Variants in CUL4B observed in about 807,000 individuals in gnomAD.
CUL4B encodes cullin 4B.
A neutral mutation model predicts 69.2 loss-of-function variants in CUL4B; 1 was observed. The ratio of observed to expected loss-of-function variants is 0.01; its 90% CI spans 0.01 to 0.07. CUL4B has a LOEUF of 0.07. Among genes scored for constraint, CUL4B ranks in the 10% least tolerant of loss-of-function variants. CUL4B has a pLI of 1.00. For missense variants in CUL4B, 328 were observed against 638.8 expected (o/e 0.51, Z 5.24); for synonymous variants, 237 against 223.2 (o/e 1.06, Z -0.55).
chrX:120,550,002 C>A (rs922635469), intron 2 of CUL4B, among the ~76,000 whole-genome samples: 2 of 111,851 alleles, frequency 1.8e-5, no homozygotes, highest in Non-Finnish European at 3.8e-5. Flanking sequence ...TCAAATAAAA[C>A]AGTTCTCGGC....
upstream of CUL4B, chrX:120,561,054 T>C (rs1925271304): frequency 1.0e-6 from 1 of 970,337 alleles, no homozygotes. Flanking sequence ...GAACCAGGGC[T>C]TGTTATTGTC....
chrX:120,527,016 A>G, intron 19 of CUL4B, among the ~76,000 whole-genome samples, 160 bp from the exon 20 acceptor site: 1 of 112,048 alleles, frequency 8.9e-6, no homozygotes. Flanking sequence ...GAAAAGTATC[A>G]TGAAAATAAA....
At chrX:120,528,055 T>C (rs749304213) in intron 19 of CUL4B, among the ~76,000 whole-genome samples, 1 of 112,120 alleles carries the variant, frequency 8.9e-6, no homozygotes, top group Admixed American at 9.5e-5. Context: ...CACCTTTACT[T>C]TGGGCAAGAG....
Position 120,538,139 on chromosome X carries a change from C to A in CUL4B, c.1923G>T (p.Met641Ile). 8.4e-7 allele frequency: 1 copy of A among 1,197,323 alleles called. No individual in the cohort carries two copies. Among genetic ancestry groups the A allele is most frequent in the South Asian group, 1.8e-5 (1 of 56,463 alleles). The change falls in exon 14 of 20, where the codon ATG becomes ATT. Residue 641 changes from methionine to isoleucine, a missense_variant. Physicochemically the swap from Met to Ile is conservative, Grantham distance 10 (BLOSUM62 1). Coordinates refer to ENST00000371322, the MANE Select transcript of CUL4B (RefSeq NM_001079872.2). ...TCACTTTTACCTGTTTGAACTGAAT[C>A]ATGATGTCTTTAGAAAGTTCCATGT... ...FKDMELSKDI[M>I]IQFKQYMQNQ...
Position 120,526,916 on chromosome X carries a change from G to A in CUL4B, c.2593-60C>T, listed in dbSNP as rs756662557. On this transcript the variant is annotated intron_variant, in intron 19 of 19. Transcript: ENST00000371322. ...ATTATCATTGGCTCAAGCCCATTTA[G>A]TTAATACCCCATTAAAAAGACAACA... 115 of 642,453 alleles carry A rather than the reference G, an allele frequency of 1.8e-4. No homozygotes were observed. The South Asian group carries it at 2.6e-3, about 15-fold the overall frequency. 52.9% of individuals were successfully genotyped at this position (642,453 alleles called of 1,213,427 possible).
intron 18 of CUL4B, among the ~76,000 whole-genome samples, chrX:120,531,437 A>T (rs2147320300): frequency 9.1e-6 from 1 of 109,322 alleles, no homozygotes; most frequent in South Asian, 4.0e-4. Context: ...AAAAACAAAC[A>T]AAATATTCAC....
rs1923378685 is a variant in CUL4B at position 120,532,536 on chromosome X, C to A, written c.2325G>T (p.Leu775=). The change falls in exon 18 of 20, where the codon CTG becomes CTT. Residue 775 remains leucine, a synonymous_variant. Coordinates refer to ENST00000371322, the MANE Select transcript of CUL4B (RefSeq NM_001079872.2). The stretch of plus-strand genomic sequence containing the variant: ...TGTCTTTGCCCTTTGGATTTTTCGC[C>A]AGAACTCTAGCTTTGCCACAGGCTA... ...QSLACGKARV[L]AKNPKGKDIE... The A allele has an allele frequency of 8.3e-7, 1 of 1,208,049 alleles. No individual in the cohort carries two copies. The highest frequency in any genetic ancestry group is 1.8e-5 in the African/African-American group (1 of 56,989).
rs968391063 is a variant in CUL4B at position 120,529,327 on chromosome X, T to C, written c.2592+775A>G. ...AGTGCTAAGATTTTTACATTCATGA[T>C]CTCACTTAAACCTCACAATAATCCT... On this transcript the variant is annotated intron_variant, in intron 19 of 19. Coordinates refer to ENST00000371322, the MANE Select transcript of CUL4B (RefSeq NM_001079872.2). Among the ~76,000 whole-genome samples, 9 of 111,965 alleles carry C rather than the reference T, an allele frequency of 8.0e-5. No homozygotes were observed. The Admixed American group carries it at 8.6e-4, about 11-fold the overall frequency.
intron 5 of CUL4B, 129 bp from the exon 6 acceptor site, chrX:120,544,772 A>C: frequency 2.0e-6 from 1 of 505,827 alleles, no homozygotes; most frequent in South Asian, 3.3e-5. Context: ...ATTGTCAAAA[A>C]ATAAAATCCA....
rs930628191 is a variant in CUL4B, at chrX:120,544,425, GA to G, written c.1083+55del. On this transcript the variant is annotated intron_variant, in intron 6 of 19. Coordinates refer to ENST00000371322, the MANE Select transcript of CUL4B (RefSeq NM_001079872.2). ...GCACATTACCTGTCTGATGTGGGGG[GA>G]AAAAAAACTAGGATAGCAATCAGCT... 7.1e-5 allele frequency: 81 copies of G among 1,144,301 alleles called. 1 individual carries two copies. Among genetic ancestry groups the G allele is most frequent in the Admixed American group, 1.8e-4 (8 of 45,296 alleles). The allele number at this position is 1,144,301 out of a possible 1,213,427, so 94.3% of individuals were successfully genotyped here.
upstream of CUL4B, among the ~76,000 whole-genome samples, chrX:120,565,068 G>T (rs1925452401): frequency 8.9e-6 from 1 of 112,158 alleles, no homozygotes; most frequent in Admixed American, 9.4e-5. Context: ...CTTTATTTCT[G>T]TGGACATCTC....
intron 16 of CUL4B, among the ~76,000 whole-genome samples, chrX:120,535,384 G>A (rs1368822377): frequency 3.6e-5 from 4 of 110,103 alleles, no homozygotes; most frequent in Non-Finnish European, 5.7e-5. Context: ...GTCATCATGC[G>A]GATATCTAGG....
At chrX:120,552,295 G>A (rs1323072021) in intron 2 of CUL4B, among the ~76,000 whole-genome samples, 1 of 111,234 alleles carries the variant, frequency 9.0e-6, no homozygotes, top group African/African-American at 3.3e-5. Context: ...TTACAGACAC[G>A]TGCCACCACA....
At chrX:120,568,048 C>T (rs1295259424), downstream of CUL4B, among the ~76,000 whole-genome samples, 2 of 111,948 alleles carry the variant, frequency 1.8e-5, no homozygotes, top group African/African-American at 6.5e-5. Flanking sequence ...AACACATTGC[C>T]TCCTTCTCTA....
chrX:120,544,265 A>AT, intron 6 of CUL4B, 62 bp from the exon 7 acceptor site: 1 of 872,548 alleles, frequency 1.1e-6, no homozygotes, highest in Non-Finnish European at 1.7e-6. Context: ...AATGTCCTCT[A>AT]TGTCTATGTA....
intron 12 of CUL4B, among the ~76,000 whole-genome samples, 180 bp from the exon 13 acceptor site, chrX:120,538,950 C>T (rs1377663452): frequency 8.9e-6 from 1 of 111,951 alleles, no homozygotes; most frequent in Non-Finnish European, 1.9e-5. Flanking sequence ...ATTTCGAAGT[C>T]TTTATTGTAA....
At position 120,546,541 on chromosome X, in the gene CUL4B, G is replaced by T. The variant is rs760723480; in HGVS notation, c.846+6C>A. 1 of 1,191,834 alleles carries T rather than the reference G, an allele frequency of 8.4e-7. No individual in the cohort carries two copies. Among genetic ancestry groups the T allele is most frequent in the Non-Finnish European group, 1.1e-6 (1 of 878,407 alleles). On this transcript the variant is annotated splice_donor_region_variant and intron_variant, in intron 4 of 19. Transcript: ENST00000371322. ...TAGCCGAAATACAATACTTTTTCCA[G>T]CTTACCATTTGTCTGCAATGGTTTT... is the stretch of plus-strand genomic sequence containing the variant.
chrX:120,563,076 A>G (rs1426737079), upstream of CUL4B, among the ~76,000 whole-genome samples: 1 of 112,293 alleles, frequency 8.9e-6, no homozygotes, highest in African/African-American at 3.2e-5. Context: ...ATGCAAATCA[A>G]CCTTTGGCAT....
chrX:120,530,024 G>T, intron 19 of CUL4B, 78 bp downstream of exon 19: 1 of 1,029,783 alleles, frequency 9.7e-7, no homozygotes, highest in East Asian at 3.1e-5. Context: ...CTTTATGTTT[G>T]CAAGATTTGT....
Sources: allele counts gnomAD v4.1 joint callset (sites outside exome capture counted in the v4.1 genomes callset), GRCh38; gene constraint gnomAD v4.1.1; transcripts MANE v1.5; gene names NCBI Gene and HGNC (gene_info 2026-07-23, HGNC 2026-07-21).